FLOT1: variants seen among roughly 807,000 people sequenced by gnomAD.
FLOT1 encodes the protein flotillin-1.
FLOT1 carries 40 observed loss-of-function variants against 58.4 expected under a neutral mutation model. The observed-to-expected ratio is 0.69, with a 90% CI of 0.53 to 0.89. The LOEUF (loss-of-function observed/expected upper bound fraction) is 0.89, where lower values mean the gene tolerates loss of function less well. FLOT1 is among the 40% of genes least tolerant of loss of function. The pLI, the probability that FLOT1 is intolerant of heterozygous loss-of-function variation, is 0.00. For missense variants in FLOT1, 423 were observed against 540.8 expected (o/e 0.78, Z 2.16); for synonymous variants, 178 against 204.2 (o/e 0.87, Z 1.09).
intron 8 of FLOT1, among the ~76,000 whole-genome samples, chr6:30,736,003 C>T (rs1777536996): frequency 6.6e-6 from 1 of 151,794 alleles, no homozygotes; most frequent in Non-Finnish European, 1.5e-5. Context: ...GTAATCCTAG[C>T]ATTTTGGGAG....
rs1266582420 is a variant in FLOT1, at chr6:30,737,481, CTCCCGGCCTCAAGT to C, written c.723+2663_723+2676del. On this transcript the variant is annotated intron_variant, in intron 8 of 12. Coordinates refer to ENST00000376389, the MANE Select transcript of FLOT1 (RefSeq NM_005803.4). The surrounding 1 kb of genome is among the most constrained non-coding windows in gnomAD (Gnocchi z 4.4). The stretch of plus-strand genomic sequence containing the variant: ...CACTGTTGGCCAGACTGGTCTCAAA[CTCCCGGCCTCAAGT>C]GATCTTCCTGTCTCAGCCTCTCAAA... Among the ~76,000 whole-genome samples, 1 of 152,134 alleles carries C rather than the reference CTCCCGGCCTCAAGT, an allele frequency of 6.6e-6. No homozygotes were observed. Among genetic ancestry groups the C allele is most frequent in the Non-Finnish European group, 1.5e-5 (1 of 68,010 alleles).
chr6:30,741,714 A>G lies in FLOT1; in HGVS notation c.120-10T>C, dbSNP rs756369390. ...TGTGTTGAGAGAGATCCTAGGGGAA[A>G]AAGAAGGGACAGACAGTAAGAAGAG... On this transcript the variant is annotated splice_polypyrimidine_tract_variant and intron_variant, in intron 3 of 12. Coordinates refer to ENST00000376389, the MANE Select transcript of FLOT1 (RefSeq NM_005803.4). The surrounding 1 kb of genome is among the most constrained non-coding windows in gnomAD (Gnocchi z 5.9). The G allele has an allele frequency of 2.4e-5, 39 of 1,612,138 alleles. No homozygotes were observed. Among genetic ancestry groups the G allele is most frequent in the Admixed American group, 2.2e-4 (13 of 59,994 alleles).
At chr6:30,733,735 C>T (rs535893896) in intron 8 of FLOT1, among the ~76,000 whole-genome samples, 9 of 110,856 alleles carry the variant, frequency 8.1e-5, no homozygotes, top group Non-Finnish European at 1.6e-4. Flanking sequence ...AGCAAAAATC[C>T]ATCTCAAAAA....
rs1778085607 is a variant in FLOT1 at position 30,742,525 on chromosome 6, A to C, written c.-15+2T>G. 7 of 314,154 alleles carry C rather than the reference A, an allele frequency of 2.2e-5. No individual in the cohort carries two copies. Among genetic ancestry groups the C allele is most frequent in the South Asian group, 5.0e-5 (1 of 19,882 alleles). The allele number at this position is 314,154 out of a possible 1,614,324, so 19.5% of individuals were successfully genotyped here. A position where few individuals can be genotyped will look rare whatever the true frequency, so the allele number is the denominator to read the frequency against. On this transcript the variant is annotated splice_donor_variant, in intron 1 of 12. Transcript: ENST00000376389. LOFTEE classifies it low-confidence loss of function (5UTR_SPLICE). The surrounding 1 kb of genome is among the most constrained non-coding windows in gnomAD (Gnocchi z 5.2). ...AGGCTCCATCTCCCCTCCCCCACTC[A>C]CCTTCCGGGACGCGGGCGGCAGCCC...
At position 30,730,077 on chromosome 6, in the gene FLOT1, A is replaced by G. The variant is rs770279962; in HGVS notation, c.1199T>C (p.Ile400Thr). ...CACACTCTCTGGCAGGCGAGTTAGA[A>G]TGTCCAGTACTTCCCCAGTCACTTT... ...AAKVTGEVLD[I>T]LTRLPESVER... The change falls in exon 12 of 13, where the codon ATT (isoleucine) becomes ACT (threonine). Residue 400 changes from isoleucine (I) to threonine (T), a missense_variant. Ile to Thr is a moderately conservative substitution (Grantham distance 89). This residue lies in a region of FLOT1 where 44 missense variants were observed against 40.3 expected (regional missense o/e 1.09). Transcript: ENST00000376389. The G allele has an allele frequency of 2.1e-5, 34 of 1,612,868 alleles. No homozygotes were observed. The highest frequency in any genetic ancestry group is 2.8e-5 in the Non-Finnish European group (33 of 1,179,998).
chr6:30,730,891 T>G (rs1380904715), intron 9 of FLOT1, 28 bp downstream of exon 9: 1 of 1,605,004 alleles, frequency 6.2e-7, no homozygotes, highest in Non-Finnish European at 8.5e-7. Context: ...GCAAGTGAGC[T>G]AGGCAGGGTC....
rs766012865 is a variant in FLOT1, at chr6:30,741,313, G to A, written c.231C>T (p.Asn77=). The stretch of plus-strand genomic sequence containing the variant: ...GACAGGCGGCCGCCAACATCTCCTT[G>A]TTCTGCCCCTGGATTTTTACCTGTA... ...GIAQVKIQGQ[N]KEMLAAACQM... is the part of the protein sequence containing the mutation. The change falls in exon 5 of 13, where the codon AAC becomes AAT. Residue 77 remains asparagine (N), a synonymous_variant. Transcript: ENST00000376389. This position sits in a 1 kb window ranked among gnomAD's most constrained non-coding sequence, Gnocchi z 5.9. 5 of 1,612,934 alleles carry A rather than the reference G, an allele frequency of 3.1e-6. No individual in the cohort carries two copies. The South Asian group carries it at 4.4e-5, about 14-fold the overall frequency.
rs1554208590 is a variant in FLOT1 at position 30,737,242 on chromosome 6, G to GTCCGTCCGTCCA, written c.723+2915_723+2916insTGGACGGACGGA. Among the ~76,000 whole-genome samples the GTCCGTCCGTCCA allele has an allele frequency of 8.6e-3, 1,256 of 145,770 alleles. 12 individuals are homozygous for GTCCGTCCGTCCA. Among genetic ancestry groups the GTCCGTCCGTCCA allele is most frequent in the East Asian group, 0.022 (108 of 4,882 alleles). ...CGTCCGTCCGTCCGTCCGTCCGTCC[G>GTCCGTCCGTCCA]TCCGTCCATCCGTCCATCCATCCAT... On this transcript the variant is annotated intron_variant, in intron 8 of 12. Transcript: ENST00000376389. This position sits in a 1 kb window ranked among gnomAD's most constrained non-coding sequence, Gnocchi z 4.4.
At position 30,741,865 on chromosome 6, in the gene FLOT1, A is replaced by G; in HGVS notation, c.46T>C (p.Phe16Leu). 1 of 1,612,416 alleles carries G rather than the reference A, an allele frequency of 6.2e-7. No homozygotes were observed. Residue 16 changes from phenylalanine to leucine, a missense_variant and splice_region_variant, in exon 3 of 13, where the codon TTC becomes CTC. This residue lies in a region of FLOT1 where 91 missense variants were observed against 118.3 expected (regional missense o/e 0.77). Coordinates refer to ENST00000376389, the MANE Select transcript of FLOT1 (RefSeq NM_005803.4). This position sits in a 1 kb window ranked among gnomAD's most constrained non-coding sequence, Gnocchi z 5.9. Reference sequence around the variant, plus strand: ...ACCATGACTGGGGGGCTTCGGCAGAACCCTGCAAGGTGTGGGGCAGTGAGG... The same window carrying G: ...ACCATGACTGGGGGGCTTCGGCAGAGCCCTGCAAGGTGTGGGGCAGTGAGG... Reference protein sequence around the residue: ...GPNEAMVVSGFCRSPPVMVAG... With the variant: ...GPNEAMVVSGLCRSPPVMVAG...
rs15297 is a variant in FLOT1 at position 30,741,587 on chromosome 6, G to T, written c.210+27C>A. ...AGAGAGGGTGATGGGGAAGTGGACT[G>T]TGGGGAAAAGGCTCTGAAAGCTTCA... On this transcript the variant is annotated intron_variant, in intron 4 of 12. Coordinates refer to ENST00000376389, the MANE Select transcript of FLOT1 (RefSeq NM_005803.4). The surrounding 1 kb of genome is among the most constrained non-coding windows in gnomAD (Gnocchi z 5.9). 0.045 allele frequency: 69,693 copies of T among 1,544,802 alleles called. 2,679 individuals are homozygous for T. The highest frequency in any genetic ancestry group is 0.16 in the African/African-American group (11,714 of 73,564).
rs1777946442 is a variant in FLOT1, at chr6:30,741,107, C to G, written c.354+83G>C. The G allele has an allele frequency of 6.6e-7, 1 of 1,506,936 alleles. No individual in the cohort carries two copies. Among genetic ancestry groups the G allele is most frequent in the Non-Finnish European group, 9.1e-7 (1 of 1,095,380 alleles). 93.3% of individuals were successfully genotyped at this position (1,506,936 alleles called of 1,614,324 possible). Reference sequence around the variant, plus strand: ...CGGCCGGGATGTATGCTCTTGGATCCACTGTCTCTCACAGACTAGTGTGGG... The same window carrying G: ...CGGCCGGGATGTATGCTCTTGGATCGACTGTCTCTCACAGACTAGTGTGGG... On this transcript the variant is annotated intron_variant, in intron 5 of 12. Transcript: ENST00000376389. The surrounding 1 kb of genome is among the most constrained non-coding windows in gnomAD (Gnocchi z 5.9).
intron 8 of FLOT1, among the ~76,000 whole-genome samples, chr6:30,733,569 C>T (rs1279079794): frequency 1.3e-5 from 2 of 150,178 alleles, no homozygotes; most frequent in Non-Finnish European, 3.0e-5. Context: ...GGTGAAACCC[C>T]GTCTCTACTA....
In FLOT1 at chr6:30,742,007, G is replaced by A. The variant is rs1379741779; in HGVS notation, c.43+140C>T. On this transcript the variant is annotated intron_variant, in intron 2 of 12. Coordinates refer to ENST00000376389, the MANE Select transcript of FLOT1 (RefSeq NM_005803.4). The surrounding 1 kb of genome is among the most constrained non-coding windows in gnomAD (Gnocchi z 5.2). ...AAGCAGTCTGGGCCTTGGAATGGTGGGAATCAAACTGGGCAGTTCGTGGCC... is the reference window on the plus strand; with the variant it reads ...AAGCAGTCTGGGCCTTGGAATGGTGAGAATCAAACTGGGCAGTTCGTGGCC... The A allele has an allele frequency of 2.6e-5, 31 of 1,178,812 alleles. No individual in the cohort carries two copies. Among genetic ancestry groups the A allele is most frequent in the Non-Finnish European group, 3.7e-5 (30 of 802,794 alleles). 73.0% of individuals were successfully genotyped at this position (1,178,812 alleles called of 1,614,324 possible).
Position 30,740,206 on chromosome 6 carries a change from G to T in FLOT1, c.675C>A (p.Ile225=). 6.2e-7 allele frequency: 1 copy of T among 1,613,012 alleles called. No homozygotes were observed. The highest frequency in any genetic ancestry group is 8.5e-7 in the Non-Finnish European group (1 of 1,180,014). Residue 225 remains isoleucine, a synonymous_variant, in exon 8 of 13, where the codon ATC becomes ATA. Transcript: ENST00000376389. ...CCTGTGCTCGGCGGGTGTTGACCTCGATGTCATAGGCGGCCTTCTTCAGTT... is the reference window on the plus strand; with the variant it reads ...CCTGTGCTCGGCGGGTGTTGACCTCTATGTCATAGGCGGCCTTCTTCAGTT... ...DYELKKAAYD[I]EVNTRRAQAD... is the part of the protein sequence containing the mutation.
chr6:30,730,518 G>C lies in FLOT1; in HGVS notation c.999C>G (p.Ala333=), dbSNP rs758739921. The change falls in exon 11 of 13, where the codon GCC becomes GCG. Residue 333 remains alanine, a synonymous_variant. Coordinates refer to ENST00000376389, the MANE Select transcript of FLOT1 (RefSeq NM_005803.4). The part of the protein sequence containing the change: ...EAFAIGARAR[A]EAEQMAKKAE... ...CCTTCTTGGCCATCTGCTCAGCCTC[G>C]GCTCGGGCTCGGGCCCCTATGGCAA... is the stretch of plus-strand genomic sequence containing the variant. The C allele has an allele frequency of 1.9e-6, 3 of 1,610,404 alleles. No individual in the cohort carries two copies. The highest frequency in any genetic ancestry group is 2.7e-5 in the African/African-American group (2 of 74,852).
chr6:30,739,399 T>C (rs1048319107), intron 8 of FLOT1, among the ~76,000 whole-genome samples: 21 of 151,818 alleles, frequency 1.4e-4, no homozygotes, highest in African/African-American at 4.8e-4. Flanking sequence ...AGATGGAGTC[T>C]CACTCTGTCA....
intron 11 of FLOT1, 70 bp from the exon 12 acceptor site, chr6:30,730,256 G>C (rs917686339): frequency 1.9e-6 from 3 of 1,564,218 alleles, no homozygotes; most frequent in Non-Finnish European, 2.6e-6. Context: ...ACTTACTCTG[G>C]GTTTTAAGGT....
chr6:30,733,296 A>G (rs1038960654), intron 8 of FLOT1, among the ~76,000 whole-genome samples: 61 of 152,074 alleles, frequency 4.0e-4, no homozygotes, highest in African/African-American at 1.3e-3. Context: ...TCGGCTTCCC[A>G]AAGTGCTGGG....
rs148516220 is a variant in FLOT1, at chr6:30,737,208, T to TCGTCCGTC, written c.723+2942_723+2949dup. On this transcript the variant is annotated intron_variant, in intron 8 of 12. Transcript: ENST00000376389. The surrounding 1 kb of genome is among the most constrained non-coding windows in gnomAD (Gnocchi z 4.4). The stretch of plus-strand genomic sequence containing the variant: ...GACTGACTGACTGACTGACTGTCTG[T>TCGTCCGTC]CGTCCGTCCGTCCGTCCGTCCGTCC... Among the ~76,000 whole-genome samples the TCGTCCGTC allele has an allele frequency of 1.6e-3, 219 of 138,120 alleles. 2 individuals are homozygous for TCGTCCGTC. The highest frequency in any genetic ancestry group is 3.8e-3 in the African/African-American group (136 of 35,746). 90.6% of individuals were successfully genotyped at this position (138,120 alleles called of 152,430 possible).
Sources: allele counts gnomAD v4.1 joint callset (sites outside exome capture counted in the v4.1 genomes callset), GRCh38; gene constraint gnomAD v4.1.1; regional missense constraint gnomAD v4.1.1; non-coding constraint Gnocchi (gnomAD v3.1); transcripts MANE v1.5; gene names NCBI Gene and HGNC (gene_info 2026-07-23, HGNC 2026-07-21).